UGT2B17: variants seen among roughly 807,000 people sequenced by gnomAD.
The protein encoded by UGT2B17 is UDP glucuronosyltransferase family 2 member B17, also known as UDP-glucuronosyltransferase 2B17.
In UGT2B17, 21 loss-of-function variants were observed where a neutral mutation model predicts 48.2. That is an observed-to-expected ratio of 0.44 (90% CI 0.31 to 0.63). The LOEUF (loss-of-function observed/expected upper bound fraction) is 0.63, where lower values mean the gene tolerates loss of function less well. Ranked by LOEUF, UGT2B17 falls within the 20% of genes least tolerant of loss-of-function variation. The pLI, the probability that UGT2B17 is intolerant of heterozygous loss-of-function variation, is 0.08. For synonymous variants in UGT2B17, 146 were observed against 238.4 expected (o/e 0.61, Z 3.57); for missense variants, 402 against 696.1 (o/e 0.58, Z 4.75).
At position 68,541,093 on chromosome 4, in the gene UGT2B17, T is replaced by C. The variant is rs762297813; in HGVS notation, c.1314-3189A>G. Among the ~76,000 whole-genome samples, 18 of 126,170 alleles carry C rather than the reference T, an allele frequency of 1.4e-4. 4 individuals are homozygous for C. The highest frequency in any genetic ancestry group is 2.7e-4 in the Non-Finnish European group (16 of 59,614). 82.8% of individuals were successfully genotyped at this position (126,170 alleles called of 152,430 possible). The stretch of plus-strand genomic sequence containing the variant: ...TCCATATCTTTGATATTGTAGATAG[T>C]GCTGCAATAGACATACATGTGCATG... On this transcript the variant is annotated intron_variant, in intron 6 of 6. Coordinates refer to ENST00000317746, the MANE Select transcript of UGT2B17 (RefSeq NM_001077.4).
chr4:68,569,788 C>G (rs1731270973), intron 1 of UGT2B17, among the ~76,000 whole-genome samples: 1 of 126,278 alleles, frequency 7.9e-6, no homozygotes, highest in Non-Finnish European at 1.7e-5. Flanking sequence ...TTACAGAGAA[C>G]TATAAAACCA....
Position 68,552,799 on chromosome 4 carries a change from G to C in UGT2B17, c.1006-888C>G, listed in dbSNP as rs1421474431. 4.0e-5 allele frequency among the ~76,000 whole-genome samples: 5 copies of C among 125,196 alleles called. 1 individual carries two copies. Among genetic ancestry groups the C allele is most frequent in the Non-Finnish European group, 6.8e-5 (4 of 59,252 alleles). 82.1% of individuals were successfully genotyped at this position (125,196 alleles called of 152,430 possible). The stretch of plus-strand genomic sequence containing the variant: ...CCCTGATACCCCAAAATTCAGTCAA[G>C]ACCAAAAGTTTATTTTGCTGTACAA... On this transcript the variant is annotated intron_variant, in intron 4 of 6. Transcript: ENST00000317746.
Position 68,551,859 on chromosome 4 carries a change from C to T in UGT2B17, c.1058G>A (p.Arg353Gln), listed in dbSNP as rs764656348. 1.2e-5 allele frequency: 16 copies of T among 1,365,104 alleles called. 4 individuals are homozygous for T. Among genetic ancestry groups the T allele is most frequent in the South Asian group, 5.2e-5 (3 of 57,966 alleles). The allele number at this position is 1,365,104 out of a possible 1,614,324, so 84.6% of individuals were successfully genotyped here. Residue 353 changes from arginine (R) to glutamine (Q), a missense_variant, in exon 5 of 7, where the codon CGA becomes CAA. Around this residue, in one of 5 missense-constraint regions of UGT2B17, gnomAD observed 156 missense variants for 258.6 expected, o/e 0.60. Transcript: ENST00000317746. ...KKPNTLGSNT[R>Q]LYKWLPQNDL... ...ATTCTGGGGTAACCACTTATACAGT[C>T]GAGTATTGGAACCTAAAGTATTTGG...
intron 4 of UGT2B17, among the ~76,000 whole-genome samples, chr4:68,556,671 G>T (rs1309657142): frequency 2.4e-5 from 3 of 125,914 alleles, no homozygotes; most frequent in African/African-American, 8.1e-5. Context: ...ATGAAAGGCT[G>T]AGGAAAGTTA....
chr4:68,549,500 G>T lies in UGT2B17; in HGVS notation c.1313+1177C>A, dbSNP rs549010021. 5.6e-5 allele frequency among the ~76,000 whole-genome samples: 7 copies of T among 125,128 alleles called. 2 individuals carry two copies. The highest frequency in any genetic ancestry group is 1.9e-4 in the African/African-American group (7 of 36,716). The allele number at this position is 125,128 out of a possible 152,430, so 82.1% of individuals were successfully genotyped here. Reference sequence around the variant, plus strand: ...ACAAAATGTTCACAAGATTAAAATAGAAATTTTATCTAAGGAAGATGCATG... The same window carrying T: ...ACAAAATGTTCACAAGATTAAAATATAAATTTTATCTAAGGAAGATGCATG... On this transcript the variant is annotated intron_variant, in intron 6 of 6. Transcript: ENST00000317746.
chr4:68,539,397 A>T lies in UGT2B17; in HGVS notation c.1314-1493T>A, dbSNP rs1350798619. Among the ~76,000 whole-genome samples, 7 of 125,472 alleles carry T rather than the reference A, an allele frequency of 5.6e-5. 2 individuals are homozygous for T. The highest frequency in any genetic ancestry group is 1.9e-4 in the African/African-American group (7 of 36,810). 82.3% of individuals were successfully genotyped at this position (125,472 alleles called of 152,430 possible). A position where few individuals can be genotyped will look rare whatever the true frequency, so the allele number is the denominator to read the frequency against. On this transcript the variant is annotated intron_variant, in intron 6 of 6. Transcript: ENST00000317746. The stretch of plus-strand genomic sequence containing the variant: ...TAGAGTATTCAGTTGATTGACAAAG[A>T]CCACAGATCTCTTCATTTATGATTA...
At chr4:68,569,527 G>A (rs6858064) in intron 1 of UGT2B17, among the ~76,000 whole-genome samples, 1 of 124,784 alleles carries the variant, frequency 8.0e-6, no homozygotes, top group Non-Finnish European at 1.7e-5. Context: ...TAGGAGGGTG[G>A]CCAGCGGAGC....
intron 6 of UGT2B17, among the ~76,000 whole-genome samples, chr4:68,546,160 G>A (rs551931021): frequency 4.0e-5 from 5 of 125,712 alleles, no homozygotes; most frequent in Non-Finnish European, 5.0e-5. Context: ...GATGAACATC[G>A]ATGCAAAAAT....
chr4:68,543,482 G>A (rs1451811225), intron 6 of UGT2B17, among the ~76,000 whole-genome samples: 1 of 124,558 alleles, frequency 8.0e-6, no homozygotes, highest in African/African-American at 2.7e-5. Flanking sequence ...ACAAAGATGG[G>A]GGAAAAAAGA....
Position 68,567,728 on chromosome 4 carries a change from A to T in UGT2B17, c.724+33T>A. ...CCTTCAAAGGCACAGGAAAATTAGAACTTAATAAACACCAATTGGACACAC... is the reference window on the plus strand; with the variant it reads ...CCTTCAAAGGCACAGGAAAATTAGATCTTAATAAACACCAATTGGACACAC... On this transcript the variant is annotated intron_variant, in intron 2 of 6. Transcript: ENST00000317746. 1.6e-6 allele frequency: 2 copies of T among 1,259,480 alleles called. 1 individual carries two copies. The allele number at this position is 1,259,480 out of a possible 1,614,324, so 78.0% of individuals were successfully genotyped here. A position where few individuals can be genotyped will look rare whatever the true frequency, so the allele number is the denominator to read the frequency against.
At position 68,552,611 on chromosome 4, in the gene UGT2B17, A is replaced by C. The variant is rs1342049359; in HGVS notation, c.1006-700T>G. On this transcript the variant is annotated intron_variant, in intron 4 of 6. Transcript: ENST00000317746. ...CTAAATTAACTGAGACCTGCCTCAG[A>C]TATTCAGGGTTCACATTTTGGTAAC... is the stretch of plus-strand genomic sequence containing the variant. Among the ~76,000 whole-genome samples, 2 of 125,378 alleles carry C rather than the reference A, an allele frequency of 1.6e-5. 1 individual carries two copies. Among genetic ancestry groups the C allele is most frequent in the Admixed American group, 1.6e-4 (2 of 12,214 alleles). 82.3% of individuals were successfully genotyped at this position (125,378 alleles called of 152,430 possible). A position where few individuals can be genotyped will look rare whatever the true frequency, so the allele number is the denominator to read the frequency against.
rs1271127039 is a variant in UGT2B17, at chr4:68,538,768, CA to C, written c.1314-865del. The stretch of plus-strand genomic sequence containing the variant: ...TGTCTGTGGTCTAGAGAACGCTACA[CA>C]GACACCTACTTGTCCTAACCCTTTC... On this transcript the variant is annotated intron_variant, in intron 6 of 6. Transcript: ENST00000317746. Among the ~76,000 whole-genome samples, 4 of 126,442 alleles carry C rather than the reference CA, an allele frequency of 3.2e-5. 1 individual carries two copies. Among genetic ancestry groups the C allele is most frequent in the African/African-American group, 1.1e-4 (4 of 36,950 alleles). 83.0% of individuals were successfully genotyped at this position (126,442 alleles called of 152,430 possible).
intron 4 of UGT2B17, among the ~76,000 whole-genome samples, chr4:68,559,882 T>G (rs1731070867): frequency 8.0e-6 from 1 of 125,392 alleles, no homozygotes; most frequent in South Asian, 3.7e-4. Context: ...ATTTTTCTGC[T>G]TAAGACATTA....
intron 6 of UGT2B17, among the ~76,000 whole-genome samples, chr4:68,540,953 T>G (rs1038862813): frequency 7.9e-6 from 1 of 125,962 alleles, no homozygotes; most frequent in African/African-American, 2.7e-5. Context: ...GTTTCATCCA[T>G]GTCCCTGCAA....
Position 68,568,486 on chromosome 4 carries a change from C to T in UGT2B17, c.-2G>A, listed in dbSNP as rs1307538131. 3 of 1,341,682 alleles carry T rather than the reference C, an allele frequency of 2.2e-6. 1 individual carries two copies. Among genetic ancestry groups the T allele is most frequent in the Non-Finnish European group, 2.9e-6 (3 of 1,042,146 alleles). 83.1% of individuals were successfully genotyped at this position (1,341,682 alleles called of 1,614,324 possible). A position where few individuals can be genotyped will look rare whatever the true frequency, so the allele number is the denominator to read the frequency against. On this transcript the variant is annotated 5_prime_UTR_variant, in exon 2 of 7. Coordinates refer to ENST00000317746, the MANE Select transcript of UGT2B17 (RefSeq NM_001077.4). ...GACTGACATCCATTTCAGAGACATC[C>T]TGGTCTTATGCAGTGCTTCTTTTCC... is the stretch of plus-strand genomic sequence containing the variant.
chr4:68,567,474 GA>G lies in UGT2B17; in HGVS notation c.724+286del, dbSNP rs1490912255. On this transcript the variant is annotated intron_variant, in intron 2 of 6. Coordinates refer to ENST00000317746, the MANE Select transcript of UGT2B17 (RefSeq NM_001077.4). ...AGTATCTATTGACTTTTTTAAAGATGAAAAAATGTATAGCAAAATGATATGT... is the reference window on the plus strand; with the variant it reads ...AGTATCTATTGACTTTTTTAAAGATGAAAAATGTATAGCAAAATGATATGT... Among the ~76,000 whole-genome samples, 2 of 125,726 alleles carry G rather than the reference GA, an allele frequency of 1.6e-5. 1 individual carries two copies. Among genetic ancestry groups the G allele is most frequent in the African/African-American group, 5.4e-5 (2 of 36,820 alleles). The allele number at this position is 125,726 out of a possible 152,430, so 82.5% of individuals were successfully genotyped here.
chr4:68,543,843 T>C (rs1415610539), intron 6 of UGT2B17, among the ~76,000 whole-genome samples: 1 of 124,684 alleles, frequency 8.0e-6, no homozygotes, highest in Non-Finnish European at 1.7e-5. Context: ...TGATGGAAGA[T>C]GAAATGAATG....
In UGT2B17 at chr4:68,537,631, C is replaced by T. The variant is rs377546716; in HGVS notation, c.1587G>A (p.Arg529=). Residue 529 remains arginine (R), a synonymous_variant, in exon 7 of 7, where the codon AGG becomes AGA. Transcript: ENST00000317746. ...CTTCAGGCTTTTGATATAACTAATC[C>T]CTTTTCTTCTTCTTTCCTGTTTTGG... ...KLAKTGKKKK[R]D is the part of the protein sequence containing the mutation. 1.2e-4 allele frequency: 166 copies of T among 1,366,954 alleles called. 38 individuals carry two copies. Among genetic ancestry groups the T allele is most frequent in the African/African-American group, 2.5e-4 (17 of 67,678 alleles). 84.7% of individuals were successfully genotyped at this position (1,366,954 alleles called of 1,614,324 possible).
chr4:68,542,354 C>T (rs1254861401), intron 6 of UGT2B17, among the ~76,000 whole-genome samples: 4 of 125,786 alleles, frequency 3.2e-5, no homozygotes, highest in African/African-American at 1.1e-4. Flanking sequence ...TATATGGGCT[C>T]TTTTTTGGTT....
Sources: allele counts gnomAD v4.1 joint callset (sites outside exome capture counted in the v4.1 genomes callset), GRCh38; gene constraint gnomAD v4.1.1; regional missense constraint gnomAD v4.1.1; transcripts MANE v1.5; gene names NCBI Gene and HGNC (gene_info 2026-07-23, HGNC 2026-07-21).